CHD5: variants seen among roughly 807,000 people sequenced by gnomAD.
CHD5 encodes chromodomain helicase DNA binding protein 5.
Under a neutral mutation model 230.3 loss-of-function variants are expected in CHD5, and 69 were observed. That is an observed-to-expected ratio of 0.30 (90% CI 0.25 to 0.37). The LOEUF (loss-of-function observed/expected upper bound fraction) is 0.37. Ranked by LOEUF, CHD5 falls within the 10% of genes least tolerant of loss-of-function variation. CHD5 has a pLI of 1.00. For missense variants in CHD5, 1,827 were observed against 2,622.8 expected (o/e 0.70, Z 6.63); for synonymous variants, 1,064 against 1,065.9 (o/e 1.00, Z 0.03).
chr1:6,163,872 C>T (rs78559102), intron 2 of CHD5, among the ~76,000 whole-genome samples: 1,937 of 152,362 alleles, frequency 0.013, 45 homozygotes, highest in African/African-American at 0.043. Flanking sequence ...ACTGACCTTT[C>T]GGCTGCAGCA....
Position 6,128,620 on chromosome 1 carries a change from G to A in CHD5, c.3620-11C>T, listed in dbSNP as rs763908366. On this transcript the variant is annotated splice_polypyrimidine_tract_variant and intron_variant, in intron 23 of 41. Transcript: ENST00000262450. This position sits in a 1 kb window ranked among gnomAD's most constrained non-coding sequence, Gnocchi z 7.8. ...CCTGAGACATCATGCCTGTCAGACA[G>A]AGAAGGAAAGCACTGGTGCAGGACC... The A allele has an allele frequency of 5.6e-6, 9 of 1,602,090 alleles. No homozygotes were observed. The highest frequency in any genetic ancestry group is 1.3e-5 in the African/African-American group (1 of 74,786).
intron 34 of CHD5, among the ~76,000 whole-genome samples, chr1:6,112,630 C>T: frequency 6.6e-6 from 1 of 152,236 alleles, no homozygotes; most frequent in East Asian, 1.9e-4. Flanking sequence ...GTATGCAAAG[C>T]TTCCAGCTGA....
At position 6,155,653 on chromosome 1, in the gene CHD5, G is replaced by A. The variant is rs150062924; in HGVS notation, c.452C>T (p.Ser151Leu). ...GGTCAGCGTGTGGTAATCCTCCTCC[G>A]AGAACAGGTAGTCCACGTCGTCCAG... ...WGLDDVDYLF[S>L]EEDYHTLTNY... The change falls in exon 4 of 42, where the codon TCG becomes TTG. Residue 151 changes from serine to leucine, a missense_variant. By Grantham distance (145) the Ser-to-Leu change is moderately radical. Transcript: ENST00000262450. This position sits in a 1 kb window ranked among gnomAD's most constrained non-coding sequence, Gnocchi z 4.0. 1.6e-3 allele frequency: 2,621 copies of A among 1,614,088 alleles called. 3 individuals are homozygous for A. The highest frequency in any genetic ancestry group is 6.1e-3 in the Middle Eastern group (37 of 6,062).
intron 37 of CHD5, 146 bp downstream of exon 37, chr1:6,110,248 G>C: frequency 2.1e-6 from 2 of 963,516 alleles, no homozygotes; most frequent in Non-Finnish European, 3.1e-6. Flanking sequence ...ACCACTGTTA[G>C]TTGATGGACA....
At chr1:6,115,424 G>A (rs1267449936) in intron 33 of CHD5, among the ~76,000 whole-genome samples, 3 of 152,174 alleles carry the variant, frequency 2.0e-5, no homozygotes, top group East Asian at 1.9e-4. Context: ...TCCGTTTTGC[G>A]GCACGGGTGA....
rs1461833265 is a variant in CHD5, at chr1:6,142,086, G to A, written c.2436+42C>T. Reference sequence around the variant, plus strand: ...GCACCCGTGGTCCCTGAACTAGACCGGGGGCCTTCCTACCGTCCTTCCAAG... The same window carrying A: ...GCACCCGTGGTCCCTGAACTAGACCAGGGGCCTTCCTACCGTCCTTCCAAG... On this transcript the variant is annotated intron_variant, in intron 15 of 41. Transcript: ENST00000262450. This position sits in a 1 kb window ranked among gnomAD's most constrained non-coding sequence, Gnocchi z 5.2. The A allele has an allele frequency of 9.0e-6, 14 of 1,562,444 alleles. No homozygotes were observed. The highest frequency in any genetic ancestry group is 5.6e-5 in the South Asian group (5 of 89,844).
intron 31 of CHD5, among the ~76,000 whole-genome samples, chr1:6,123,704 C>T (rs1666507968): frequency 6.6e-6 from 1 of 150,952 alleles, no homozygotes; most frequent in Non-Finnish European, 1.5e-5. Flanking sequence ...CTGTGATTAA[C>T]AGGTGTGAGC....
At chr1:6,175,870 G>C (rs1434900440) in intron 1 of CHD5, among the ~76,000 whole-genome samples, 1 of 151,966 alleles carries the variant, frequency 6.6e-6, no homozygotes, top group East Asian at 1.9e-4. Flanking sequence ...TGGACGAATA[G>C]TGCATGGATG....
At chr1:6,172,984 G>A (rs1667361805) in intron 1 of CHD5, among the ~76,000 whole-genome samples, 1 of 152,022 alleles carries the variant, frequency 6.6e-6, no homozygotes, top group Non-Finnish European at 1.5e-5. Flanking sequence ...GATTTGCAGG[G>A]GCCAAGCCAG....
At chr1:6,137,005 C>A in intron 15 of CHD5, 140 bp from the exon 16 acceptor site, 2 of 792,076 alleles carry the variant, frequency 2.5e-6, no homozygotes, top group Non-Finnish European at 3.8e-6. Context: ...AGCCTAGGAC[C>A]AGAGGGGCAG....
At position 6,136,784 on chromosome 1, in the gene CHD5, C is replaced by T. The variant is rs866633572; in HGVS notation, c.2518G>A (p.Glu840Lys). 5 of 1,613,690 alleles carry T rather than the reference C, an allele frequency of 3.1e-6. 1 individual carries two copies. Among genetic ancestry groups the T allele is most frequent in the South Asian group, 2.2e-5 (2 of 91,058 alleles). The change falls in exon 16 of 42, where the codon GAG (glutamate) becomes AAG (lysine). Residue 840 changes from glutamate (E) to lysine (K), a missense_variant. Coordinates refer to ENST00000262450, the MANE Select transcript of CHD5 (RefSeq NM_015557.3). ...TIDQAILGSI[E>K]WACLVVDEAH... The stretch of plus-strand genomic sequence containing the variant: ...TCATCTACCACCAGGCAGGCCCACT[C>T]GATGGAGCCCAGGATGGCCTGGTCA...
chr1:6,128,489 T>G lies in CHD5; in HGVS notation c.3730+10A>C. The G allele has an allele frequency of 1.9e-6, 3 of 1,603,596 alleles. No homozygotes were observed. The highest frequency in any genetic ancestry group is 2.6e-6 in the Non-Finnish European group (3 of 1,170,792). The stretch of plus-strand genomic sequence containing the variant: ...AGGAGGAGCTGAGGCTGGGCTGGGT[T>G]GGCCCCTACCTGGCGGGGTGCTACC... On this transcript the variant is annotated intron_variant, in intron 24 of 41. Transcript: ENST00000262450. The surrounding 1 kb of genome is among the most constrained non-coding windows in gnomAD (Gnocchi z 7.8).
Position 6,126,751 on chromosome 1 carries a change from G to C in CHD5, c.3904-5C>G, listed in dbSNP as rs1666564712. 6.2e-7 allele frequency: 1 copy of C among 1,612,500 alleles called. No homozygotes were observed. The highest frequency in any genetic ancestry group is 1.3e-5 in the African/African-American group (1 of 74,940). On this transcript the variant is annotated splice_region_variant and splice_polypyrimidine_tract_variant and intron_variant, in intron 25 of 41. Transcript: ENST00000262450. This position sits in a 1 kb window ranked among gnomAD's most constrained non-coding sequence, Gnocchi z 5.7. ...GATTTCCCGCTCCACCTCCTCCTGG[G>C]GACGCAGCACCACGGGTTCCATGGG...
intron 1 of CHD5, among the ~76,000 whole-genome samples, chr1:6,175,383 ATGGATGCATGGATGGATG>A (rs1667409764): frequency 1.4e-5 from 2 of 142,872 alleles, no homozygotes; most frequent in East Asian, 4.1e-4. Context: ...TGGATGGTGG[ATGGATGCATGGATGGATG>A]GTGGATAGAT....
At chr1:6,113,231 CT>C (rs1666321458) in intron 33 of CHD5, 1 of 517,170 alleles carries the variant, frequency 1.9e-6, no homozygotes, top group Admixed American at 3.2e-5. Flanking sequence ...CAAGACCAGC[CT>C]GGCAACATAG....
chr1:6,122,232 C>T (rs891834310), intron 31 of CHD5, among the ~76,000 whole-genome samples: 1 of 152,152 alleles, frequency 6.6e-6, no homozygotes, highest in South Asian at 2.1e-4. Flanking sequence ...CCTGTGAGGC[C>T]CAACCGACGG....
At position 6,151,122 on chromosome 1, in the gene CHD5, C is replaced by T. The variant is rs1667001091; in HGVS notation, c.904G>A (p.Asp302Asn). The change falls in exon 7 of 42, where the codon GAC (aspartate) becomes AAC (asparagine). Residue 302 changes from aspartate to asparagine, a missense_variant. Around this residue, in one of 14 missense-constraint regions of CHD5, gnomAD observed 657 missense variants for 816.4 expected, o/e 0.80. Coordinates refer to ENST00000262450, the MANE Select transcript of CHD5 (RefSeq NM_015557.3). ...EEDEREESDFDSASIHSASVR... is the reference protein window; with the variant it reads ...EEDEREESDFNSASIHSASVR... ...GAGGCACTGTGGATGCTGGCGCTGT[C>T]GAAGTCCGACTCCTCCCTCTCATCT... 1 of 1,609,852 alleles carries T rather than the reference C, an allele frequency of 6.2e-7. No homozygotes were observed. Among genetic ancestry groups the T allele is most frequent in the Non-Finnish European group, 8.5e-7 (1 of 1,177,838 alleles).
In CHD5 at chr1:6,134,650, C is replaced by T. The variant is rs1666711612; in HGVS notation, c.3012+68G>A. ...CTATCACAGCGGCCACAGGGACCTA[C>T]CATGGCGGCCACAGGCACCTACCAT... On this transcript the variant is annotated intron_variant, in intron 19 of 41. Transcript: ENST00000262450. This position sits in a 1 kb window ranked among gnomAD's most constrained non-coding sequence, Gnocchi z 6.3. 6.7e-7 allele frequency: 1 copy of T among 1,491,348 alleles called. No homozygotes were observed. Among genetic ancestry groups the T allele is most frequent in the Admixed American group, 1.7e-5 (1 of 57,932 alleles). The allele number at this position is 1,491,348 out of a possible 1,614,324, so 92.4% of individuals were successfully genotyped here. A position where few individuals can be genotyped will look rare whatever the true frequency, so the allele number is the denominator to read the frequency against.
At position 6,155,511 on chromosome 1, in the gene CHD5, G is replaced by A; in HGVS notation, c.506+88C>T. On this transcript the variant is annotated intron_variant, in intron 4 of 41. Transcript: ENST00000262450. This position sits in a 1 kb window ranked among gnomAD's most constrained non-coding sequence, Gnocchi z 4.0. ...GACAGAGCCCACCCCTACCCCAGGT[G>A]CCGGGGCTTCACTCCTCTGCCTCCC... 3.5e-6 allele frequency: 4 copies of A among 1,158,366 alleles called. No homozygotes were observed. The highest frequency in any genetic ancestry group is 5.1e-6 in the Non-Finnish European group (4 of 777,204). 71.8% of individuals were successfully genotyped at this position (1,158,366 alleles called of 1,614,324 possible). A position where few individuals can be genotyped will look rare whatever the true frequency, so the allele number is the denominator to read the frequency against.
Sources: allele counts gnomAD v4.1 joint callset (sites outside exome capture counted in the v4.1 genomes callset), GRCh38; gene constraint gnomAD v4.1.1; regional missense constraint gnomAD v4.1.1; non-coding constraint Gnocchi (gnomAD v3.1); transcripts MANE v1.5; gene names NCBI Gene and HGNC (gene_info 2026-07-23, HGNC 2026-07-21).